Variants in P2RY8 observed in about 807,000 individuals in gnomAD.
P2RY8 encodes the protein S-geranylgeranyl-glutathione receptor P2RY8.
P2RY8 carries 6 observed loss-of-function variants against 10.0 expected under a neutral mutation model. The ratio of observed to expected loss-of-function variants is 0.60; its 90% CI spans 0.33 to 1.19. The LOEUF is 1.19. P2RY8 is among the 50% of genes most tolerant of loss of function. The probability of loss-of-function intolerance (pLI) is 0.04; values close to 1 mark genes in which losing one functional copy is unlikely to be tolerated. For missense variants in P2RY8, 456 were observed against 542.0 expected, an observed-to-expected ratio of 0.84 and a Z score of 1.58; for synonymous variants, 276 against 252.5, an observed-to-expected ratio of 1.09 and a Z score of -0.88.
At chrX:1,474,422 A>G (rs28970392) in intron 1 of P2RY8, among the ~76,000 whole-genome samples, 20,452 of 63,576 alleles carry the variant, frequency 0.32, 4,874 homozygotes, top group African/African-American at 0.57. Flanking sequence ...TGGACGTGTG[A>G]GTGGATGGAT....
chrX:1,466,842 C>G (rs1372174155), intron 1 of P2RY8, among the ~76,000 whole-genome samples: 1 of 149,710 alleles, frequency 6.7e-6, no homozygotes, highest in Non-Finnish European at 1.5e-5. Context: ...CCTTCCTCCT[C>G]TCTCCTTCCT....
At chrX:1,501,314 C>T (rs1320521240) in intron 1 of P2RY8, among the ~76,000 whole-genome samples, 4 of 152,094 alleles carry the variant, frequency 2.6e-5, no homozygotes, top group African/African-American at 9.7e-5. Context: ...AGACTTTTGG[C>T]CTGTGTTTGA....
chrX:1,486,987 G>A lies in P2RY8; in HGVS notation c.-24-20405C>T, dbSNP rs2091991976. Reference sequence around the variant, plus strand: ...CAGGGCCGAGCTTCCGCTTTTGGGGGATGCAGTCGTCACTGGGGCCGTAGC... The same window carrying A: ...CAGGGCCGAGCTTCCGCTTTTGGGGAATGCAGTCGTCACTGGGGCCGTAGC... On this transcript the variant is annotated intron_variant, in intron 1 of 1. Transcript: ENST00000381297. 2.0e-5 allele frequency among the ~76,000 whole-genome samples: 3 copies of A among 152,230 alleles called. No homozygotes were observed. The South Asian group carries it at 6.2e-4, about 31-fold the overall frequency.
At chrX:1,472,192 C>A (rs1397807231) in intron 1 of P2RY8, among the ~76,000 whole-genome samples, 3 of 151,832 alleles carry the variant, frequency 2.0e-5, no homozygotes, top group Non-Finnish European at 2.9e-5. Flanking sequence ...ATAGGGTCTG[C>A]GTCTATGTCA....
Position 1,505,137 on chromosome X carries a change from CA to C in P2RY8, c.-25+31783del, listed in dbSNP as rs1175803425. Among the ~76,000 whole-genome samples, 344 of 99,716 alleles carry C rather than the reference CA, an allele frequency of 3.4e-3. 3 individuals are homozygous for C. Among genetic ancestry groups the C allele is most frequent in the African/African-American group, 0.011 (287 of 24,992 alleles). The allele number at this position is 99,716 out of a possible 152,430, so 65.4% of individuals were successfully genotyped here. ...TGGGTGACAGAGAGAGACTCTGTCT[CA>C]AAAAAAAAAAAAAAAGGAAGAAAAT... On this transcript the variant is annotated intron_variant, in intron 1 of 1. Coordinates refer to ENST00000381297, the MANE Select transcript of P2RY8 (RefSeq NM_178129.5).
chrX:1,475,151 CTGGATTTATGGG>C (rs1305629277), intron 1 of P2RY8, among the ~76,000 whole-genome samples: 4 of 142,288 alleles, frequency 2.8e-5, no homozygotes, highest in African/African-American at 1.1e-4. Flanking sequence ...GTTTAGGTGG[CTGGATTTATGGG>C]TGGATGAATG....
At chrX:1,476,725 A>G (rs1287391534) in intron 1 of P2RY8, among the ~76,000 whole-genome samples, 1 of 152,172 alleles carries the variant, frequency 6.6e-6, no homozygotes, top group East Asian at 1.9e-4. Context: ...GAAATGTAGG[A>G]AACATCCCTG....
At chrX:1,481,608 AGAGTCCAGCTTTGGGATTAG>A (rs2091936432) in intron 1 of P2RY8, among the ~76,000 whole-genome samples, 5 of 151,564 alleles carry the variant, frequency 3.3e-5, no homozygotes, top group Non-Finnish European at 7.4e-5. Context: ...TGGGATTAGG[AGAGTCCAGCTTTGGGATTAG>A]GAGAGTCCAG....
At position 1,463,477 on chromosome X, in the gene P2RY8, CTG is replaced by C. The variant is rs1411616752; in HGVS notation, c.*2000_*2001del. The C allele has an allele frequency of 8.7e-6, 2 of 230,410 alleles. No individual in the cohort carries two copies. The highest frequency in any genetic ancestry group is 4.5e-5 in the African/African-American group (2 of 44,896). The allele number at this position is 230,410 out of a possible 1,614,324, so 14.3% of individuals were successfully genotyped here. On this transcript the variant is annotated 3_prime_UTR_variant, in exon 2 of 2. Coordinates refer to ENST00000381297, the MANE Select transcript of P2RY8 (RefSeq NM_178129.5). ...CTCTGTCTCCACGTGTCCTCCTGCTCTGTGTCTGTGTCTCCTCTTCTGTCTCT... is the reference window on the plus strand; with the variant it reads ...CTCTGTCTCCACGTGTCCTCCTGCTCTGTCTGTGTCTCCTCTTCTGTCTCT...
intron 1 of P2RY8, among the ~76,000 whole-genome samples, chrX:1,535,405 C>T (rs2092516776): frequency 6.6e-6 from 1 of 151,578 alleles, no homozygotes; most frequent in South Asian, 2.1e-4. Flanking sequence ...CCAGGCTGGT[C>T]TCAAACCCCT....
At chrX:1,531,626 T>C (rs374183465) in intron 1 of P2RY8, among the ~76,000 whole-genome samples, 2 of 152,108 alleles carry the variant, frequency 1.3e-5, no homozygotes, top group Non-Finnish European at 2.9e-5. Flanking sequence ...TGCCCAGCCA[T>C]GGAGAGTCTC....
At position 1,499,841 on chromosome X, in the gene P2RY8, T is replaced by C. The variant is rs1398814732; in HGVS notation, c.-24-33259A>G. ...TATCTCTAATTTTTTGAATCTGTTT[T>C]TTTGTTTTGTTTTGTTTTGTTTTGT... On this transcript the variant is annotated intron_variant, in intron 1 of 1. Coordinates refer to ENST00000381297, the MANE Select transcript of P2RY8 (RefSeq NM_178129.5). Among the ~76,000 whole-genome samples the C allele has an allele frequency of 4.0e-5, 4 of 100,184 alleles. No individual in the cohort carries two copies. In the South Asian group the frequency reaches 1.2e-3, roughly 30 times the overall value. The allele number at this position is 100,184 out of a possible 152,430, so 65.7% of individuals were successfully genotyped here. A position where few individuals can be genotyped will look rare whatever the true frequency, so the allele number is the denominator to read the frequency against.
intron 1 of P2RY8, among the ~76,000 whole-genome samples, chrX:1,470,344 T>G (rs1439669102): frequency 2.0e-5 from 3 of 152,064 alleles, no homozygotes; most frequent in Non-Finnish European, 2.9e-5. Context: ...AAACCCTGTC[T>G]CTACTAAAAA....
At chrX:1,533,413 ATATAT>A (rs2092494916) in intron 1 of P2RY8, among the ~76,000 whole-genome samples, 2 of 145,144 alleles carry the variant, frequency 1.4e-5, no homozygotes, top group African/African-American at 5.0e-5. Context: ...TTTATTATTT[ATATAT>A]TATATATTTA....
intron 1 of P2RY8, among the ~76,000 whole-genome samples, chrX:1,507,366 T>C (rs1240928444): frequency 4.6e-5 from 7 of 152,058 alleles, no homozygotes; most frequent in South Asian, 4.1e-4. Context: ...CAGCACCCAC[T>C]ACTTCCTGAG....
intron 1 of P2RY8, among the ~76,000 whole-genome samples, chrX:1,531,214 T>C (rs1188035005): frequency 6.6e-6 from 1 of 152,160 alleles, no homozygotes; most frequent in Non-Finnish European, 1.5e-5. Flanking sequence ...TGGGTGCTCC[T>C]GGCACCTTGT....
intron 1 of P2RY8, among the ~76,000 whole-genome samples, chrX:1,483,264 C>A (rs774602024): frequency 6.6e-6 from 1 of 152,178 alleles, no homozygotes; most frequent in African/African-American, 2.4e-5. Context: ...GAGAAGAAAC[C>A]GAGACGGTCT....
intron 1 of P2RY8, 68 bp from the exon 2 acceptor site, chrX:1,466,650 T>G: frequency 2.8e-6 from 4 of 1,451,562 alleles, no homozygotes; most frequent in East Asian, 2.3e-5. Flanking sequence ...CCGGGAGGGC[T>G]CCTGAGCGCC....
rs1435428661 is a variant in P2RY8, at chrX:1,509,796, C to CCATTCTATCTAT, written c.-25+27124_-25+27125insATAGATAGAATG. On this transcript the variant is annotated intron_variant, in intron 1 of 1. Transcript: ENST00000381297. The stretch of plus-strand genomic sequence containing the variant: ...ATCTATCTATCATCTATGTATCCAT[C>CCATTCTATCTAT]CTATCTATCTATCTATCTATCTATC... 4.6e-3 allele frequency among the ~76,000 whole-genome samples: 484 copies of CCATTCTATCTAT among 105,018 alleles called. 2 individuals are homozygous for CCATTCTATCTAT. The highest frequency in any genetic ancestry group is 0.016 in the African/African-American group (441 of 28,032). 68.9% of individuals were successfully genotyped at this position (105,018 alleles called of 152,430 possible). A position where few individuals can be genotyped will look rare whatever the true frequency, so the allele number is the denominator to read the frequency against.
Sources: gnomAD v4.1 joint callset for allele counts (sites outside exome capture counted in the v4.1 genomes callset) on GRCh38, gnomAD v4.1.1 for gene constraint, MANE v1.5 for transcripts, NCBI Gene and HGNC (gene_info 2026-07-23, HGNC 2026-07-21) for gene names.